RIDA: variants seen among roughly 807,000 people sequenced by gnomAD.
RIDA encodes the protein reactive intermediate imine deaminase A.
Under a neutral mutation model 17.8 loss-of-function variants are expected in RIDA, and 17 were observed. That is an observed-to-expected ratio of 0.96 (90% CI 0.65 to 1.43). The LOEUF (loss-of-function observed/expected upper bound fraction) is 1.43. Ranked by LOEUF, RIDA falls within the 40% of genes most tolerant of loss-of-function variation. The pLI is 0.00. For missense variants in RIDA, 158 were observed against 161.7 expected (o/e 0.98, Z 0.12); for synonymous variants, 48 against 55.7 (o/e 0.86, Z 0.62).
intron 1 of RIDA, among the ~76,000 whole-genome samples, chr8:98,112,534 C>T (rs1025137095): frequency 6.6e-6 from 1 of 152,146 alleles, no homozygotes; most frequent in African/African-American, 2.4e-5. Context: ...TTTAGCAGGA[C>T]CTGTTGACTT....
At chr8:98,114,414 C>T (rs530901214) in intron 1 of RIDA, among the ~76,000 whole-genome samples, 66 of 151,656 alleles carry the variant, frequency 4.4e-4, no homozygotes, top group Non-Finnish European at 8.7e-4. Context: ...CGACCTCTGC[C>T]TTCCAGGTTC....
chr8:98,104,255 T>C (rs1485006128), intron 5 of RIDA, among the ~76,000 whole-genome samples: 1 of 152,026 alleles, frequency 6.6e-6, no homozygotes, highest in Non-Finnish European at 1.5e-5. Context: ...TGGCTAATTT[T>C]AAATTGTTTT....
intron 2 of RIDA, among the ~76,000 whole-genome samples, chr8:98,107,056 A>G (rs570526979): frequency 1.2e-4 from 19 of 152,292 alleles, no homozygotes; most frequent in African/African-American, 3.8e-4. Context: ...CTTATGTTAC[A>G]TATTTTTAAA....
At chr8:98,103,586 A>G (rs1815589437) in intron 5 of RIDA, among the ~76,000 whole-genome samples, 1 of 152,134 alleles carries the variant, frequency 6.6e-6, no homozygotes, top group Non-Finnish European at 1.5e-5. Context: ...GCTCAAATTT[A>G]TAGTCCCCTA....
chr8:98,111,883 T>C (rs1815732841), intron 1 of RIDA, among the ~76,000 whole-genome samples: 1 of 152,120 alleles, frequency 6.6e-6, no homozygotes, highest in African/African-American at 2.4e-5. Flanking sequence ...CCATTCTTGT[T>C]CCCTATTTGC....
intron 4 of RIDA, 133 bp downstream of exon 4, chr8:98,105,805 T>C: frequency 1.7e-6 from 1 of 590,918 alleles, no homozygotes; most frequent in Middle Eastern, 4.6e-4. Context: ...AATCAGATTA[T>C]TAATTCTTTT....
chr8:98,105,995 T>A lies in RIDA; in HGVS notation c.238A>T (p.Thr80Ser). The A allele has an allele frequency of 6.2e-7, 1 of 1,604,120 alleles. No individual in the cohort carries two copies. Among genetic ancestry groups the A allele is most frequent in the Admixed American group, 1.7e-5 (1 of 59,994 alleles). Residue 80 changes from threonine to serine, a missense_variant, in exon 4 of 6, where the codon ACT becomes TCT. By Grantham distance (58) the Thr-to-Ser change is moderately conservative. Coordinates refer to ENST00000254878, the MANE Select transcript of RIDA (RefSeq NM_005836.3). ...GCDFTNVVKT[T>S]VLLADINDFN... is the part of the protein sequence containing the mutation. ...TCATTTATGTCAGCCAGAAGAACAG[T>A]TGTTTTCACCACTAGAAGATATAAA...
At chr8:98,103,962 A>T (rs1815599694) in intron 5 of RIDA, among the ~76,000 whole-genome samples, 1 of 151,232 alleles carries the variant, frequency 6.6e-6, no homozygotes, top group Admixed American at 6.6e-5. Flanking sequence ...AAGTATTTTG[A>T]TTCTGATTCT....
intron 1 of RIDA, 66 bp from the exon 2 acceptor site, chr8:98,108,817 T>A: frequency 1.0e-6 from 1 of 965,916 alleles, no homozygotes; most frequent in Non-Finnish European, 1.7e-6. Context: ...GCTAGAAGAC[T>A]TTTTTGATAG....
chr8:98,112,094 ATTTT>A (rs897677730), intron 1 of RIDA, among the ~76,000 whole-genome samples: 79 of 151,370 alleles, frequency 5.2e-4, no homozygotes, highest in African/African-American at 1.8e-3. Flanking sequence ...GTGCTTCCTC[ATTTT>A]TTTTAACAGC....
At chr8:98,112,128 A>C (rs1221894985) in intron 1 of RIDA, among the ~76,000 whole-genome samples, 1 of 151,914 alleles carries the variant, frequency 6.6e-6, no homozygotes, top group Non-Finnish European at 1.5e-5. Flanking sequence ...TTTACAATAT[A>C]GATGTACTTT....
chr8:98,114,192 A>G (rs947019957), intron 1 of RIDA, among the ~76,000 whole-genome samples: 1 of 152,198 alleles, frequency 6.6e-6, no homozygotes, highest in African/African-American at 2.4e-5. Flanking sequence ...GTCTCAATAT[A>G]CACACATACA....
chr8:98,114,405 G>A (rs4734383), intron 1 of RIDA, among the ~76,000 whole-genome samples: 68,442 of 150,004 alleles, frequency 0.46, 15,852 homozygotes, highest in Admixed American at 0.51. Flanking sequence ...GGCTCACCGC[G>A]ACCTCTGCCT....
In RIDA at chr8:98,104,607, A is replaced by C. The variant is rs935580616; in HGVS notation, c.296-63T>G. On this transcript the variant is annotated intron_variant, in intron 4 of 5. Transcript: ENST00000254878. ...AGTTGAAAAAATAAAGATCAAGTGAAAATTTTTATTTTAGTTTTCAGATAT... is the reference window on the plus strand; with the variant it reads ...AGTTGAAAAAATAAAGATCAAGTGACAATTTTTATTTTAGTTTTCAGATAT... The C allele has an allele frequency of 1.0e-5, 10 of 964,058 alleles. No homozygotes were observed. In the African/African-American group the frequency reaches 1.7e-4, roughly 16 times the overall value. 59.7% of individuals were successfully genotyped at this position (964,058 alleles called of 1,614,324 possible).
chr8:98,115,089 G>C (rs533133457), intron 1 of RIDA, among the ~76,000 whole-genome samples: 2 of 151,944 alleles, frequency 1.3e-5, no homozygotes, highest in African/African-American at 2.4e-5. Context: ...AAATAACTTA[G>C]AACAGTGCCT....
At chr8:98,105,730 T>C (rs1251526735) in intron 4 of RIDA, among the ~76,000 whole-genome samples, 1 of 152,196 alleles carries the variant, frequency 6.6e-6, no homozygotes, top group Non-Finnish European at 1.5e-5. Flanking sequence ...TTTCAGTATA[T>C]TGTTTTAGGG....
intron 1 of RIDA, among the ~76,000 whole-genome samples, chr8:98,110,018 C>T (rs1815701975): frequency 6.6e-6 from 1 of 152,182 alleles, no homozygotes; most frequent in South Asian, 2.1e-4. Context: ...GCAAGACACA[C>T]ACACATGCAC....
rs1563766407 is a variant in RIDA, at chr8:98,116,909, T to A, written c.65+123A>T. On this transcript the variant is annotated intron_variant, in intron 1 of 5. Coordinates refer to ENST00000254878, the MANE Select transcript of RIDA (RefSeq NM_005836.3). ...ACTCTCTGTGGGTCTTCGGGCGCGT[T>A]GCTTACTTTCCAGGCTCAATTTCCT... is the stretch of plus-strand genomic sequence containing the variant. 3 of 775,708 alleles carry A rather than the reference T, an allele frequency of 3.9e-6. No individual in the cohort carries two copies. The South Asian group carries it at 5.0e-5, about 13-fold the overall frequency. The allele number at this position is 775,708 out of a possible 1,614,324, so 48.1% of individuals were successfully genotyped here. A position where few individuals can be genotyped will look rare whatever the true frequency, so the allele number is the denominator to read the frequency against.
rs747686388 is a variant in RIDA at position 98,106,316 on chromosome 8, T to G, written c.182A>C (p.Asn61Thr). 20 of 1,613,654 alleles carry G rather than the reference T, an allele frequency of 1.2e-5. No individual in the cohort carries two copies. The highest frequency in any genetic ancestry group is 1.4e-5 in the Non-Finnish European group (17 of 1,179,746). ...TGCAGCTTTCAGAATTTCACCCATGTTTTTAAGAGCCTGTGAACCAAGCCA... is the reference window on the plus strand; with the variant it reads ...TGCAGCTTTCAGAATTTCACCCATGGTTTTAAGAGCCTGTGAACCAAGCCA... ...VAEEAKQALK[N>T]MGEILKAAGC... is the part of the protein sequence containing the mutation. Residue 61 changes from asparagine to threonine, a missense_variant, in exon 3 of 6, where the codon AAC becomes ACC. Physicochemically the swap from Asn to Thr is moderately conservative, Grantham distance 65. Coordinates refer to ENST00000254878, the MANE Select transcript of RIDA (RefSeq NM_005836.3).
Sources: allele counts gnomAD v4.1 joint callset (sites outside exome capture counted in the v4.1 genomes callset), GRCh38; gene constraint gnomAD v4.1.1; transcripts MANE v1.5; gene names NCBI Gene and HGNC (gene_info 2026-07-23, HGNC 2026-07-21).